Variants in MAFK observed in about 807,000 individuals in gnomAD.
MAFK encodes MAF bZIP transcription factor K.
A neutral mutation model predicts 9.2 loss-of-function variants in MAFK; 1 was observed. The ratio of observed to expected loss-of-function variants is 0.11; its 90% CI spans 0.04 to 0.52. MAFK has a LOEUF of 0.52. Ranked by LOEUF, MAFK falls within the 20% of genes least tolerant of loss-of-function variation. MAFK has a pLI of 0.94. For synonymous variants in MAFK, 110 were observed against 107.4 expected (o/e 1.02, Z -0.15); for missense variants, 207 against 236.0 (o/e 0.88, Z 0.81).
chr7:1,541,764 C>A lies in MAFK; in HGVS notation c.*1389C>A, dbSNP rs111764525. On this transcript the variant is annotated 3_prime_UTR_variant, in exon 3 of 3. Coordinates refer to ENST00000343242, the MANE Select transcript of MAFK (RefSeq NM_002360.4). The stretch of plus-strand genomic sequence containing the variant: ...CTGAGGCACCAGTGGGCTTGGCACT[C>A]CACCTTGGGCTTCCTTTTCCTGGAG... 3.3e-5 allele frequency: 5 copies of A among 152,268 alleles called. No homozygotes were observed. Among genetic ancestry groups the A allele is most frequent in the African/African-American group, 1.2e-4 (5 of 41,448 alleles). The allele number at this position is 152,268 out of a possible 1,614,324, so 9.4% of individuals were successfully genotyped here.
chr7:1,539,757 G>A (rs947137625), intron 2 of MAFK, among the ~76,000 whole-genome samples, 184 bp from the exon 3 acceptor site: 1 of 152,186 alleles, frequency 6.6e-6, no homozygotes, highest in Non-Finnish European at 1.5e-5. Context: ...GTCCTGTGGG[G>A]CCACAGCTGT....
In MAFK at chr7:1,540,285, GC is replaced by G. The variant is rs1784144729; in HGVS notation, c.384del (p.Ser129ProfsTer188). ...ARTVARGPVA[P>X]SKVATTSVIT... The stretch of plus-strand genomic sequence containing the variant: ...GCACCGTGGCCCGGGGACCTGTGGC[GC>G]CCTCCAAGGTGGCCACCACCAGCGT... On this transcript the variant is annotated frameshift_variant, in exon 3 of 3. Coordinates refer to ENST00000343242, the MANE Select transcript of MAFK (RefSeq NM_002360.4). LOFTEE classifies it high-confidence loss of function. 1 of 1,611,290 alleles carries G rather than the reference GC, an allele frequency of 6.2e-7. No individual in the cohort carries two copies. Among genetic ancestry groups the G allele is most frequent in the Non-Finnish European group, 8.5e-7 (1 of 1,179,280 alleles).
chr7:1,539,274 A>G lies in MAFK; in HGVS notation c.36+46A>G, dbSNP rs780231554. The G allele has an allele frequency of 3.9e-6, 6 of 1,527,904 alleles. No individual in the cohort carries two copies. The Admixed American group carries it at 5.5e-5, about 14-fold the overall frequency. The allele number at this position is 1,527,904 out of a possible 1,614,324, so 94.6% of individuals were successfully genotyped here. A position where few individuals can be genotyped will look rare whatever the true frequency, so the allele number is the denominator to read the frequency against. The stretch of plus-strand genomic sequence containing the variant: ...GCCCCGTCTCAAGCACAGGCGTGGG[A>G]AAGGCCCCCGGCCCGACAGCCCCTG... On this transcript the variant is annotated intron_variant, in intron 2 of 2. Transcript: ENST00000343242.
At chr7:1,535,518 G>A (rs1784006382) in intron 1 of MAFK, among the ~76,000 whole-genome samples, 1 of 152,190 alleles carries the variant, frequency 6.6e-6, no homozygotes, top group African/African-American at 2.4e-5. Context: ...CTCTGGGTGT[G>A]GGGGTGCCCA....
chr7:1,540,387 G>A lies in MAFK; in HGVS notation c.*12G>A, dbSNP rs757896570. On this transcript the variant is annotated 3_prime_UTR_variant, in exon 3 of 3. Transcript: ENST00000343242. ...CGGCTGCATCCTAGTGCCGGCCGGG[G>A]GCGGGGGGTGGCGGGCGGCGGGCGG... 5.7e-5 allele frequency: 85 copies of A among 1,481,136 alleles called. No individual in the cohort carries two copies. The highest frequency in any genetic ancestry group is 2.2e-4 in the Middle Eastern group (1 of 4,596). 91.7% of individuals were successfully genotyped at this position (1,481,136 alleles called of 1,614,324 possible).
rs998792978 is a variant in MAFK at position 1,532,425 on chromosome 7, G to A, written c.-45+1527G>A. Among the ~76,000 whole-genome samples the A allele has an allele frequency of 3.9e-5, 6 of 152,238 alleles. No homozygotes were observed. The highest frequency in any genetic ancestry group is 4.8e-5 in the African/African-American group (2 of 41,460). ...TCTGAGTTTGACCTTGGGAGAGGGA[G>A]TCTGCTTTTAAAACTAGACCTCTCA... is the stretch of plus-strand genomic sequence containing the variant. On this transcript the variant is annotated intron_variant, in intron 1 of 2. Transcript: ENST00000343242. This position sits in a 1 kb window ranked among gnomAD's most constrained non-coding sequence, Gnocchi z 4.5.
intron 1 of MAFK, among the ~76,000 whole-genome samples, chr7:1,531,244 G>T (rs1419630899): frequency 2.0e-5 from 3 of 150,144 alleles, no homozygotes; most frequent in Non-Finnish European, 1.5e-5. Flanking sequence ...TCGGGCCCGC[G>T]CCTTCACACC....
chr7:1,540,593 C>T lies in MAFK; in HGVS notation c.*218C>T, dbSNP rs979715375. ...GCACGCCGGTCCACAGACACACTCA[C>T]GCCCGCCACCTGCTCCCCGCAGGAT... On this transcript the variant is annotated 3_prime_UTR_variant, in exon 3 of 3. Transcript: ENST00000343242. 26 of 546,728 alleles carry T rather than the reference C, an allele frequency of 4.8e-5. No homozygotes were observed. The highest frequency in any genetic ancestry group is 2.0e-4 in the African/African-American group (10 of 50,740). The allele number at this position is 546,728 out of a possible 1,614,324, so 33.9% of individuals were successfully genotyped here.
chr7:1,542,752 G>C lies in MAFK; in HGVS notation c.*2377G>C, dbSNP rs1163168245. On this transcript the variant is annotated 3_prime_UTR_variant, in exon 3 of 3. Coordinates refer to ENST00000343242, the MANE Select transcript of MAFK (RefSeq NM_002360.4). ...GTCTCCGTGCCTCCGGCTTCCCAAA[G>C]AGATCCAGGTCTTTGCGTTTCCAGG... The C allele has an allele frequency of 1.3e-5, 2 of 152,598 alleles. No individual in the cohort carries two copies. The highest frequency in any genetic ancestry group is 2.9e-5 in the Non-Finnish European group (2 of 68,044). The allele number at this position is 152,598 out of a possible 1,614,324, so 9.5% of individuals were successfully genotyped here.
chr7:1,540,001 T>C lies in MAFK; in HGVS notation c.97T>C (p.Ser33Pro). The C allele has an allele frequency of 2.6e-6, 4 of 1,557,480 alleles. No homozygotes were observed. The highest frequency in any genetic ancestry group is 3.5e-6 in the Non-Finnish European group (4 of 1,150,634). The change falls in exon 3 of 3, where the codon TCG (serine) becomes CCG (proline). Residue 33 changes from serine (S) to proline (P), a missense_variant. Ser to Pro is a moderately conservative substitution (Grantham distance 74, BLOSUM62 -1). Transcript: ENST00000343242. The part of the protein sequence containing the change: ...VLSDDELVSM[S>P]VRELNQHLRG... Reference sequence around the variant, plus strand: ...CAGCGATGATGAGCTGGTGTCCATGTCGGTGCGGGAGCTGAACCAGCACCT... The same window carrying C: ...CAGCGATGATGAGCTGGTGTCCATGCCGGTGCGGGAGCTGAACCAGCACCT...
rs1395117014 is a variant in MAFK, at chr7:1,534,161, G to A, written c.-45+3263G>A. On this transcript the variant is annotated intron_variant, in intron 1 of 2. Coordinates refer to ENST00000343242, the MANE Select transcript of MAFK (RefSeq NM_002360.4). The surrounding 1 kb of genome is among the most constrained non-coding windows in gnomAD (Gnocchi z 4.3). ...TGGGCCGGGCTGCGGGGTGCCAAGT[G>A]GGGTGCCTCCCGCATGCTTAGTGGG... The A allele has an allele frequency of 1.8e-5, 8 of 446,038 alleles. No individual in the cohort carries two copies. Among genetic ancestry groups the A allele is most frequent in the Non-Finnish European group, 3.6e-5 (8 of 219,184 alleles). The allele number at this position is 446,038 out of a possible 1,614,324, so 27.6% of individuals were successfully genotyped here. A position where few individuals can be genotyped will look rare whatever the true frequency, so the allele number is the denominator to read the frequency against.
intron 1 of MAFK, among the ~76,000 whole-genome samples, chr7:1,536,163 T>G (rs1179374906): frequency 1.3e-5 from 2 of 152,170 alleles, no homozygotes; most frequent in Non-Finnish European, 2.9e-5. Context: ...CACCCTTACT[T>G]ACGTCGGCTG....
chr7:1,540,630 T>G lies in MAFK; in HGVS notation c.*255T>G, dbSNP rs921979884. On this transcript the variant is annotated 3_prime_UTR_variant, in exon 3 of 3. Coordinates refer to ENST00000343242, the MANE Select transcript of MAFK (RefSeq NM_002360.4). ...GCTCCCCGCAGGATGTGTCTGTGTGTGGGAATTGGTATCTTGCACCCGTGG... is the reference window on the plus strand; with the variant it reads ...GCTCCCCGCAGGATGTGTCTGTGTGGGGGAATTGGTATCTTGCACCCGTGG... 5 of 502,144 alleles carry G rather than the reference T, an allele frequency of 1.0e-5. No homozygotes were observed. The South Asian group carries it at 1.4e-4, about 14-fold the overall frequency. The allele number at this position is 502,144 out of a possible 1,614,324, so 31.1% of individuals were successfully genotyped here.
Position 1,540,272 on chromosome 7 carries a change from G to A in MAFK, c.368G>A (p.Arg123Gln), listed in dbSNP as rs147232198. 4.6e-4 allele frequency: 748 copies of A among 1,611,156 alleles called. 1 individual carries two copies. In the African/African-American group the frequency reaches 8.7e-3, roughly 19 times the overall value. ...ALQTFARTVA[R>Q]GPVAPSKVAT... ...CAGACCTTCGCGCGCACCGTGGCCC[G>A]GGGACCTGTGGCGCCCTCCAAGGTG... The change falls in exon 3 of 3, where the codon CGG (arginine) becomes CAG (glutamine). Residue 123 changes from arginine to glutamine, a missense_variant. Coordinates refer to ENST00000343242, the MANE Select transcript of MAFK (RefSeq NM_002360.4).
rs557914163 is a variant in MAFK, at chr7:1,536,275, G to C, written c.-44-2874G>C. 7.2e-5 allele frequency among the ~76,000 whole-genome samples: 11 copies of C among 152,326 alleles called. No individual in the cohort carries two copies. In the South Asian group the frequency reaches 2.3e-3, roughly 32 times the overall value. The stretch of plus-strand genomic sequence containing the variant: ...GACCACCGAAACTCAGAGGAGCTCG[G>C]GGTGTCGGGTGCTTGTGCGTGGCGA... On this transcript the variant is annotated intron_variant, in intron 1 of 2. Coordinates refer to ENST00000343242, the MANE Select transcript of MAFK (RefSeq NM_002360.4).
intron 1 of MAFK, chr7:1,537,895 G>A (rs535080161): frequency 1.2e-5 from 2 of 167,644 alleles, no homozygotes; most frequent in East Asian, 1.9e-4. Flanking sequence ...TGCTGACCAA[G>A]GACACCCCCC....
chr7:1,537,521 C>T, intron 1 of MAFK: 2 of 985,462 alleles, frequency 2.0e-6, no homozygotes, highest in Non-Finnish European at 2.4e-6. Flanking sequence ...GGCAGCTGGG[C>T]CCCAGCCTCT....
chr7:1,539,227 A>T lies in MAFK; in HGVS notation c.35A>T (p.Lys12Met). The change falls in exon 2 of 3, where the codon AAG becomes ATG. Residue 12 changes from lysine to methionine, a missense_variant and splice_region_variant. Lys to Met is a moderately conservative substitution (Grantham distance 95). Coordinates refer to ENST00000343242, the MANE Select transcript of MAFK (RefSeq NM_002360.4). ...AATCCCAAACCGAATAAGGCATTAA[A>T]GGTAAGGCTGGTTCCAAGCAGGCCC... is the stretch of plus-strand genomic sequence containing the variant. ...TTNPKPNKAL[K>M]VKKEAGENAP... The T allele has an allele frequency of 6.2e-7, 1 of 1,611,060 alleles. No individual in the cohort carries two copies. The highest frequency in any genetic ancestry group is 8.5e-7 in the Non-Finnish European group (1 of 1,178,748).
chr7:1,535,155 C>T (rs982022547), intron 1 of MAFK, among the ~76,000 whole-genome samples: 1 of 133,090 alleles, frequency 7.5e-6, no homozygotes, highest in African/African-American at 2.9e-5. Context: ...CTACTGGGCT[C>T]GAGCATTCGG....
Sources: gnomAD v4.1 joint callset for allele counts (sites outside exome capture counted in the v4.1 genomes callset) on GRCh38, gnomAD v4.1.1 for gene constraint, Gnocchi (gnomAD v3.1) non-coding constraint, MANE v1.5 for transcripts, NCBI Gene and HGNC (gene_info 2026-07-23, HGNC 2026-07-21) for gene names.